The following CPQ variants were observed in gnomAD, a reference collection of about 807,000 sequenced individuals.
CPQ encodes the protein Ser-Met dipeptidase.
In CPQ, 37 loss-of-function variants were observed where a neutral mutation model predicts 45.7. The observed-to-expected ratio is 0.81, with a 90% CI of 0.62 to 1.07. The LOEUF (loss-of-function observed/expected upper bound fraction) is 1.07, where lower values mean the gene tolerates loss of function less well. CPQ is among the 50% of genes least tolerant of loss of function. The pLI, the probability that CPQ is intolerant of heterozygous loss-of-function variation, is 0.00. For missense variants in CPQ, 537 were observed against 572.9 expected (o/e 0.94, Z 0.64); for synonymous variants, 186 against 205.8 (o/e 0.90, Z 0.82).
intron 3 of CPQ, among the ~76,000 whole-genome samples, chr8:96,849,569 C>T (rs1387949412): frequency 1.3e-5 from 2 of 152,216 alleles, no homozygotes; most frequent in Admixed American, 6.5e-5. Flanking sequence ...GCTGGATCCT[C>T]AATGCCTATA....
At chr8:96,876,813 C>T (rs894480568) in intron 3 of CPQ, among the ~76,000 whole-genome samples, 1 of 151,918 alleles carries the variant, frequency 6.6e-6, no homozygotes, top group African/African-American at 2.4e-5. Context: ...TTATATGTTG[C>T]CGGTTCTCTT....
chr8:96,880,134 CT>C, intron 4 of CPQ, 129 bp downstream of exon 4: 1 of 727,530 alleles, frequency 1.4e-6, no homozygotes, highest in Non-Finnish European at 2.3e-6. Flanking sequence ...AAGGCAGAAG[CT>C]TTATATATAT....
chr8:97,003,887 A>T (rs1462663816), intron 5 of CPQ, among the ~76,000 whole-genome samples: 1 of 152,166 alleles, frequency 6.6e-6, no homozygotes, highest in African/African-American at 2.4e-5. Flanking sequence ...TATCACTGAC[A>T]TCTAGGATAT....
rs1810740015 is a variant in CPQ at position 96,784,859 on chromosome 8, T to A, written c.-34-5T>A. ...CCTAAAACATAATGTTTCTTATTTATGTAGATTATCTTAACAAGAAAACCA... is the reference window on the plus strand; with the variant it reads ...CCTAAAACATAATGTTTCTTATTTAAGTAGATTATCTTAACAAGAAAACCA... On this transcript the variant is annotated splice_polypyrimidine_tract_variant and splice_region_variant and intron_variant, in intron 1 of 7. Coordinates refer to ENST00000220763, the MANE Select transcript of CPQ (RefSeq NM_016134.4). 1 of 1,545,762 alleles carries A rather than the reference T, an allele frequency of 6.5e-7. No individual in the cohort carries two copies.
intron 4 of CPQ, among the ~76,000 whole-genome samples, chr8:96,947,552 T>C (rs911686062): frequency 3.3e-5 from 5 of 152,138 alleles, no homozygotes; most frequent in Non-Finnish European, 5.9e-5. Context: ...TGTGGCCTTT[T>C]GTGGTTCCAT....
chr8:96,906,014 C>T (rs1437941920), intron 4 of CPQ, among the ~76,000 whole-genome samples: 1 of 152,128 alleles, frequency 6.6e-6, no homozygotes, highest in Non-Finnish European at 1.5e-5. Flanking sequence ...TAATACTCTG[C>T]TTAATTTGCA....
rs1291224862 is a variant in CPQ at position 97,039,036 on chromosome 8, T to TTGG, written c.1053+9544_1053+9546dup. Among the ~76,000 whole-genome samples the TTGG allele has an allele frequency of 3.3e-5, 5 of 152,264 alleles. No homozygotes were observed. The East Asian group carries it at 5.8e-4, about 18-fold the overall frequency. Reference sequence around the variant, plus strand: ...TCTTGGTAGGCTAATAATAGGACTGTTGGTAAGCTTAGCATTTACAAGGTT... The same window carrying TTGG: ...TCTTGGTAGGCTAATAATAGGACTGTTGGTGGTAAGCTTAGCATTTACAAGGTT... On this transcript the variant is annotated intron_variant, in intron 6 of 7. Transcript: ENST00000220763.
intron 7 of CPQ, among the ~76,000 whole-genome samples, chr8:97,091,099 A>C (rs1208050996): frequency 6.6e-6 from 1 of 152,114 alleles, no homozygotes; most frequent in Non-Finnish European, 1.5e-5. Flanking sequence ...TGTGTAGAGG[A>C]GAGTTTGGTA....
intron 1 of CPQ, among the ~76,000 whole-genome samples, chr8:96,751,777 C>T (rs1308652339): frequency 6.6e-6 from 1 of 152,082 alleles, no homozygotes; most frequent in Non-Finnish European, 1.5e-5. Flanking sequence ...TTGGGTTTTA[C>T]ATTTACATCT....
At chr8:96,891,130 A>T (rs746610530) in intron 4 of CPQ, among the ~76,000 whole-genome samples, 2 of 152,210 alleles carry the variant, frequency 1.3e-5, no homozygotes, top group Non-Finnish European at 2.9e-5. Context: ...ACATTGCCAC[A>T]CTTTTTTAGC....
At chr8:96,994,345 A>T (rs1809143019) in intron 5 of CPQ, among the ~76,000 whole-genome samples, 1 of 152,158 alleles carries the variant, frequency 6.6e-6, no homozygotes, top group Admixed American at 6.6e-5. Flanking sequence ...TAGGAACTGC[A>T]GGAAACTGTC....
At chr8:96,699,659 A>G in intron 1 of CPQ, among the ~76,000 whole-genome samples, 1 of 152,126 alleles carries the variant, frequency 6.6e-6, no homozygotes, top group East Asian at 1.9e-4. Context: ...AAAATAATAT[A>G]AACCACAGTG....
At chr8:96,747,992 T>A (rs1810212066) in intron 1 of CPQ, among the ~76,000 whole-genome samples, 1 of 152,258 alleles carries the variant, frequency 6.6e-6, no homozygotes, top group Admixed American at 6.5e-5. Flanking sequence ...TTCAGGTTTC[T>A]TTACTATTCT....
At chr8:97,091,461 C>A (rs1333458804) in intron 7 of CPQ, among the ~76,000 whole-genome samples, 1 of 152,198 alleles carries the variant, frequency 6.6e-6, no homozygotes, top group African/African-American at 2.4e-5. Context: ...TTTAACAGCA[C>A]TGATACCTAC....
At chr8:96,786,718 G>A (rs1360490372) in intron 2 of CPQ, among the ~76,000 whole-genome samples, 6 of 152,040 alleles carry the variant, frequency 3.9e-5, no homozygotes, top group African/African-American at 1.4e-4. Flanking sequence ...AGCTATTCTA[G>A]TGGGTGTGGA....
At chr8:96,971,166 C>T (rs1463854081) in intron 5 of CPQ, among the ~76,000 whole-genome samples, 2 of 152,156 alleles carry the variant, frequency 1.3e-5, no homozygotes, top group Non-Finnish European at 2.9e-5. Flanking sequence ...GAAGTGAGTA[C>T]AAATAGCCTT....
intron 5 of CPQ, among the ~76,000 whole-genome samples, chr8:96,970,055 A>C (rs1191537320): frequency 2.6e-5 from 4 of 152,208 alleles, no homozygotes; most frequent in African/African-American, 9.6e-5. Context: ...TTTCCAATGC[A>C]GTGGGTTCTC....
intron 7 of CPQ, among the ~76,000 whole-genome samples, chr8:97,116,959 G>A (rs1811605410): frequency 6.6e-6 from 1 of 152,158 alleles, no homozygotes; most frequent in Non-Finnish European, 1.5e-5. Flanking sequence ...GTAGTTTGTG[G>A]GTAGATTTCC....
intron 1 of CPQ, among the ~76,000 whole-genome samples, chr8:96,650,021 G>A (rs2130702469): frequency 6.6e-6 from 1 of 152,350 alleles, no homozygotes; most frequent in South Asian, 2.1e-4. Flanking sequence ...GGTTTCTGAA[G>A]ACACAGGTAT....
Sources: allele counts gnomAD v4.1 joint callset (sites outside exome capture counted in the v4.1 genomes callset), GRCh38; gene constraint gnomAD v4.1.1; transcripts MANE v1.5; gene names NCBI Gene and HGNC (gene_info 2026-07-23, HGNC 2026-07-21).